Variants in GPC5 observed in about 807,000 individuals in gnomAD.
GPC5 encodes the protein glypican-5.
GPC5 carries 47 observed loss-of-function variants against 53.9 expected under a neutral mutation model. That is an observed-to-expected ratio of 0.87 (90% CI 0.69 to 1.11). The LOEUF (loss-of-function observed/expected upper bound fraction) is 1.11. Ranked by LOEUF, GPC5 falls within the 50% of genes most tolerant of loss-of-function variation. GPC5 has a pLI of 0.00. For missense variants in GPC5, 748 were observed against 713.1 expected (o/e 1.05, Z -0.56); for synonymous variants, 286 against 263.3 (o/e 1.09, Z -0.84).
intron 7 of GPC5, among the ~76,000 whole-genome samples, chr13:92,423,120 C>A (rs1280037510): frequency 6.6e-6 from 1 of 152,100 alleles, no homozygotes; most frequent in Non-Finnish European, 1.5e-5. Flanking sequence ...GGACTAAGGG[C>A]TCTCTAAGGT....
intron 7 of GPC5, among the ~76,000 whole-genome samples, chr13:92,295,978 A>T (rs918433787): frequency 6.6e-6 from 1 of 152,172 alleles, no homozygotes; most frequent in East Asian, 1.9e-4. Flanking sequence ...AATGTGAGGT[A>T]CCATTCCATT....
chr13:92,597,844 A>G (rs1017423921), intron 7 of GPC5, among the ~76,000 whole-genome samples: 7 of 152,226 alleles, frequency 4.6e-5, no homozygotes, highest in African/African-American at 9.6e-5. Flanking sequence ...GCATGCATTC[A>G]TTCGTTCATT....
chr13:92,130,382 A>G (rs1319711990), intron 6 of GPC5, among the ~76,000 whole-genome samples: 1 of 152,012 alleles, frequency 6.6e-6, no homozygotes, highest in Admixed American at 6.6e-5. Context: ...AGAAGTTCTA[A>G]AAATCTGAGT....
chr13:92,684,381 C>T (rs535050457), intron 7 of GPC5, among the ~76,000 whole-genome samples: 2 of 152,182 alleles, frequency 1.3e-5, no homozygotes, highest in East Asian at 3.9e-4. Flanking sequence ...AGGGATTTTC[C>T]TGTCTCAGCC....
chr13:91,531,601 A>G (rs1231785850), intron 2 of GPC5, among the ~76,000 whole-genome samples: 1 of 152,190 alleles, frequency 6.6e-6, no homozygotes, highest in Admixed American at 6.5e-5. Flanking sequence ...TATTAGGTAT[A>G]CTAGAAAAAG....
chr13:92,165,341 T>G (rs2042019403), intron 7 of GPC5, among the ~76,000 whole-genome samples: 1 of 152,216 alleles, frequency 6.6e-6, no homozygotes, highest in South Asian at 2.1e-4. Flanking sequence ...TTTTAAGAGT[T>G]TCCGGTACCA....
At chr13:91,820,702 G>A (rs1242454830) in intron 5 of GPC5, among the ~76,000 whole-genome samples, 1 of 152,092 alleles carries the variant, frequency 6.6e-6, no homozygotes, top group African/African-American at 2.4e-5. Context: ...GGTGGCTCAC[G>A]CCTGTAATCC....
chr13:92,593,581 G>C (rs1411558070), intron 7 of GPC5, among the ~76,000 whole-genome samples: 1 of 151,018 alleles, frequency 6.6e-6, no homozygotes, highest in Non-Finnish European at 1.5e-5. Flanking sequence ...CAGCATTAGA[G>C]GACTGAATTT....
At chr13:92,014,329 G>A (rs1046765290) in intron 6 of GPC5, among the ~76,000 whole-genome samples, 1 of 152,148 alleles carries the variant, frequency 6.6e-6, no homozygotes, top group African/African-American at 2.4e-5. Flanking sequence ...AACTTGAATG[G>A]CTGAATTGGC....
chr13:92,511,211 T>A (rs550023873), intron 7 of GPC5, among the ~76,000 whole-genome samples: 1 of 152,350 alleles, frequency 6.6e-6, no homozygotes, highest in East Asian at 1.9e-4. Flanking sequence ...TTTTCTCAAG[T>A]AAATCTGCTA....
chr13:91,508,633 T>G (rs74787019), intron 2 of GPC5, among the ~76,000 whole-genome samples: 1,857 of 152,284 alleles, frequency 0.012, 39 homozygotes, highest in African/African-American at 0.041. Flanking sequence ...GATAGGCATA[T>G]TTGATCAAGG....
At chr13:92,824,561 AT>A (rs1385447327) in intron 7 of GPC5, among the ~76,000 whole-genome samples, 1 of 152,122 alleles carries the variant, frequency 6.6e-6, no homozygotes, top group Non-Finnish European at 1.5e-5. Context: ...TTGCTCAATC[AT>A]TTGTGTTAAG....
At chr13:92,236,342 T>G (rs2042569430) in intron 7 of GPC5, among the ~76,000 whole-genome samples, 1 of 152,094 alleles carries the variant, frequency 6.6e-6, no homozygotes, top group African/African-American at 2.4e-5. Flanking sequence ...AAGTGTTTTA[T>G]GCTAATGCAA....
chr13:92,139,346 T>G (rs1034669600), intron 6 of GPC5, among the ~76,000 whole-genome samples: 4 of 152,220 alleles, frequency 2.6e-5, no homozygotes, highest in African/African-American at 9.7e-5. Context: ...CTATGCCTTC[T>G]CTTTTGATAC....
At chr13:91,540,977 C>A (rs867213934) in intron 2 of GPC5, among the ~76,000 whole-genome samples, 1 of 151,736 alleles carries the variant, frequency 6.6e-6, no homozygotes, top group Non-Finnish European at 1.5e-5. Flanking sequence ...TTTTGGTGAA[C>A]GATGAGTGAA....
rs775976980 is a variant in GPC5 at position 91,401,295 on chromosome 13, TA to T, written c.163+2097del. ...TAAACACTGATTCCTCTCATCTCTC[TA>T]AAAAAAAAAACCCCTCAATCCCAAA... On this transcript the variant is annotated intron_variant, in intron 1 of 7. Transcript: ENST00000377067. Among the ~76,000 whole-genome samples the T allele has an allele frequency of 6.1e-3, 880 of 143,950 alleles. 13 individuals carry two copies. Among genetic ancestry groups the T allele is most frequent in the African/African-American group, 0.02 (795 of 39,782 alleles). The allele number at this position is 143,950 out of a possible 152,430, so 94.4% of individuals were successfully genotyped here. A position where few individuals can be genotyped will look rare whatever the true frequency, so the allele number is the denominator to read the frequency against.
chr13:92,521,329 A>T (rs1300579264), intron 7 of GPC5, among the ~76,000 whole-genome samples: 1 of 152,206 alleles, frequency 6.6e-6, no homozygotes, highest in Non-Finnish European at 1.5e-5. Context: ...GACAATCCTA[A>T]GCCAAAAGAA....
At chr13:91,945,295 A>G (rs151294727) in intron 6 of GPC5, among the ~76,000 whole-genome samples, 76 of 152,244 alleles carry the variant, frequency 5.0e-4, no homozygotes, top group African/African-American at 1.7e-3. Flanking sequence ...TTGTTCTACA[A>G]TGATTTTGTT....
chr13:91,512,825 C>A (rs1471728156), intron 2 of GPC5, among the ~76,000 whole-genome samples: 2 of 152,038 alleles, frequency 1.3e-5, no homozygotes, highest in East Asian at 3.8e-4. Context: ...TTTCTAGTAC[C>A]ATTAGGGTTT....
Sources: allele counts gnomAD v4.1 joint callset (sites outside exome capture counted in the v4.1 genomes callset), GRCh38; gene constraint gnomAD v4.1.1; transcripts MANE v1.5; gene names NCBI Gene and HGNC (gene_info 2026-07-23, HGNC 2026-07-21).